The following RBFOX1 variants were observed in gnomAD, a reference collection of about 807,000 sequenced individuals.
The protein encoded by RBFOX1 is RNA binding protein fox-1 homolog 1.
RBFOX1 carries 8 observed loss-of-function variants against 57.7 expected under a neutral mutation model. The observed-to-expected ratio is 0.14, with a 90% CI of 0.08 to 0.25. The LOEUF (loss-of-function observed/expected upper bound fraction) is 0.25, where lower values mean the gene tolerates loss of function less well. Among genes scored for constraint, RBFOX1 ranks in the 10% least tolerant of loss-of-function variants. The pLI is 1.00. For missense variants in RBFOX1, 611 were observed against 548.5 expected, an observed-to-expected ratio of 1.11 and a Z score of -1.14; for synonymous variants, 326 against 222.4, an observed-to-expected ratio of 1.47 and a Z score of -4.15.
chr16:6,332,271 C>T (rs2083130302), intron 2 of RBFOX1, among the ~76,000 whole-genome samples: 1 of 152,138 alleles, frequency 6.6e-6, no homozygotes, highest in Non-Finnish European at 1.5e-5. Context: ...ATTCGATCAA[C>T]CAGCATTTAC....
intron 2 of RBFOX1, among the ~76,000 whole-genome samples, chr16:6,355,085 C>G (rs1158318929): frequency 1.3e-5 from 2 of 152,176 alleles, no homozygotes; most frequent in African/African-American, 4.8e-5. Context: ...AGACCATTCT[C>G]CAATAACCCC....
chr16:6,485,364 C>G (rs533611374), intron 2 of RBFOX1, among the ~76,000 whole-genome samples: 2 of 152,126 alleles, frequency 1.3e-5, no homozygotes, highest in East Asian at 1.9e-4. Context: ...CTTCTCTTCT[C>G]TCTCTTGGTC....
At chr16:6,956,317 C>T (rs530521795) in intron 3 of RBFOX1, among the ~76,000 whole-genome samples, 5 of 152,278 alleles carry the variant, frequency 3.3e-5, no homozygotes, top group African/African-American at 1.2e-4. Context: ...CCCCATTCGT[C>T]ATCTCCCACA....
chr16:5,914,280 T>C (rs1347016086), intron 4 of RBFOX1, among the ~76,000 whole-genome samples: 1 of 152,184 alleles, frequency 6.6e-6, no homozygotes, highest in East Asian at 1.9e-4. Context: ...CAACTTAAAA[T>C]AAGAAATTTT....
At chr16:7,372,055 C>T (rs866908089) in intron 4 of RBFOX1, among the ~76,000 whole-genome samples, 10 of 152,150 alleles carry the variant, frequency 6.6e-5, no homozygotes, top group African/African-American at 2.2e-4. Context: ...TATATGGGCC[C>T]TGATTACTTT....
chr16:5,915,360 G>A (rs2058682649), intron 4 of RBFOX1, among the ~76,000 whole-genome samples: 1 of 152,128 alleles, frequency 6.6e-6, no homozygotes, highest in Admixed American at 6.6e-5. Flanking sequence ...ACTCTAGAGA[G>A]GGCTGAAGCA....
chr16:6,874,441 T>C (rs1032856784), intron 3 of RBFOX1, among the ~76,000 whole-genome samples: 1 of 136,130 alleles, frequency 7.3e-6, no homozygotes. Flanking sequence ...ATCCAGGAGA[T>C]GGAGGTTGCA....
intron 3 of RBFOX1, among the ~76,000 whole-genome samples, chr16:6,768,684 T>A (rs2077773902): frequency 6.8e-6 from 1 of 148,070 alleles, no homozygotes; most frequent in Non-Finnish European, 1.5e-5. Context: ...ATATGTAAAA[T>A]ATATATGTAC....
Position 6,758,916 on chromosome 16 carries a change from C to T in RBFOX1, c.-16+104266C>T, listed in dbSNP as rs530524349. Among the ~76,000 whole-genome samples, 18 of 151,748 alleles carry T rather than the reference C, an allele frequency of 1.2e-4. No homozygotes were observed. The South Asian group carries it at 2.9e-3, about 25-fold the overall frequency. ...TGAAGGTGACATGTGTTCAGGGAGTCGGGGGGGAAAGAGTTTAGAAAGAGG... is the reference window on the plus strand; with the variant it reads ...TGAAGGTGACATGTGTTCAGGGAGTTGGGGGGGAAAGAGTTTAGAAAGAGG... On this transcript the variant is annotated intron_variant, in intron 3 of 15. Coordinates refer to ENST00000550418, the MANE Select transcript of RBFOX1 (RefSeq NM_018723.4).
At position 6,956,398 on chromosome 16, in the gene RBFOX1, A is replaced by G. The variant is rs74549545; in HGVS notation, c.-15-95659A>G. Among the ~76,000 whole-genome samples the G allele has an allele frequency of 1.3e-3, 199 of 152,328 alleles. 5 individuals carry two copies. The East Asian group carries it at 0.035, about 27-fold the overall frequency. On this transcript the variant is annotated intron_variant, in intron 3 of 15. Coordinates refer to ENST00000550418, the MANE Select transcript of RBFOX1 (RefSeq NM_018723.4). ...AAGACTGGACTCAAGGGGAATGAGC[A>G]GGCTCCGCTGTCTTCCAGTGAATAC...
chr16:5,624,107 A>G (rs1247649011), intron 3 of RBFOX1, among the ~76,000 whole-genome samples: 1 of 152,240 alleles, frequency 6.6e-6, no homozygotes. Flanking sequence ...GGGATTTGGA[A>G]AAGCAAAGGA....
At chr16:7,513,228 A>C (rs1216329646) in intron 4 of RBFOX1, among the ~76,000 whole-genome samples, 2 of 151,910 alleles carry the variant, frequency 1.3e-5, no homozygotes, top group East Asian at 1.9e-4. Flanking sequence ...CTACCATTGC[A>C]CTCCAGCTTG....
intron 2 of RBFOX1, among the ~76,000 whole-genome samples, chr16:5,551,777 C>T (rs937310704): frequency 1.6e-4 from 25 of 152,112 alleles, no homozygotes; most frequent in African/African-American, 6.0e-4. Flanking sequence ...TCTCCTAAAG[C>T]TGTCCCTCCC....
At chr16:7,166,104 C>G (rs558241602) in intron 4 of RBFOX1, among the ~76,000 whole-genome samples, 53 of 152,186 alleles carry the variant, frequency 3.5e-4, no homozygotes, top group African/African-American at 1.2e-3. Context: ...ACTTCTGCCT[C>G]CGGGATTCAA....
chr16:6,526,857 A>AC (rs1202134944), intron 2 of RBFOX1, among the ~76,000 whole-genome samples: 7 of 130,352 alleles, frequency 5.4e-5, no homozygotes, highest in African/African-American at 2.6e-4. Flanking sequence ...AAAAAAAAAA[A>AC]AACAACCAGA....
At chr16:5,886,339 T>G (rs1448500517) in intron 4 of RBFOX1, among the ~76,000 whole-genome samples, 1 of 152,166 alleles carries the variant, frequency 6.6e-6, no homozygotes, top group African/African-American at 2.4e-5. Context: ...TTAATACATG[T>G]GAAGTGCTTA....
At chr16:6,998,635 T>C (rs1487965813) in intron 3 of RBFOX1, among the ~76,000 whole-genome samples, 2 of 152,134 alleles carry the variant, frequency 1.3e-5, no homozygotes, top group African/African-American at 4.8e-5. Context: ...TGTCTCCAAA[T>C]TGCAATCCTG....
chr16:6,668,025 C>G (rs1469786952), intron 3 of RBFOX1, among the ~76,000 whole-genome samples: 1 of 152,118 alleles, frequency 6.6e-6, no homozygotes, highest in African/African-American at 2.4e-5. Flanking sequence ...ACATCTAGGA[C>G]AAGTTAAGAT....
intron 1 of RBFOX1, among the ~76,000 whole-genome samples, chr16:5,347,203 C>G (rs936603122): frequency 6.6e-6 from 1 of 152,086 alleles, no homozygotes; most frequent in Non-Finnish European, 1.5e-5. Flanking sequence ...TATATGTTTT[C>G]CTTATTTATT....
Sources: allele counts gnomAD v4.1 joint callset (sites outside exome capture counted in the v4.1 genomes callset), GRCh38; gene constraint gnomAD v4.1.1; transcripts MANE v1.5; gene names NCBI Gene and HGNC (gene_info 2026-07-23, HGNC 2026-07-21).